PRKD1: variants seen among roughly 807,000 people sequenced by gnomAD.
PRKD1 encodes the protein protein kinase D1.
A neutral mutation model predicts 95.9 loss-of-function variants in PRKD1; 63 were observed. The observed-to-expected ratio is 0.66, with a 90% CI of 0.54 to 0.81. PRKD1 has a LOEUF of 0.81. PRKD1 is among the 30% of genes least tolerant of loss of function. The pLI is 0.00. For synonymous variants in PRKD1, 425 were observed against 423.1 expected (o/e 1.00, Z -0.05); for missense variants, 1,048 against 1,165.3 (o/e 0.90, Z 1.47).
intron 16 of PRKD1, among the ~76,000 whole-genome samples, chr14:29,590,602 C>T (rs1343984763): frequency 3.9e-5 from 6 of 152,014 alleles, no homozygotes; most frequent in Admixed American, 2.0e-4. Flanking sequence ...AACTCAGACA[C>T]GCTTGGTTTA....
chr14:29,925,092 T>TATTC (rs1204016398), intron 1 of PRKD1, among the ~76,000 whole-genome samples: 1 of 152,122 alleles, frequency 6.6e-6, no homozygotes, highest in Non-Finnish European at 1.5e-5. Context: ...TTACCTTAAC[T>TATTC]ATTCCAAACA....
intron 1 of PRKD1, among the ~76,000 whole-genome samples, chr14:29,865,716 C>T: frequency 6.6e-6 from 1 of 152,164 alleles, no homozygotes; most frequent in East Asian, 1.9e-4. Flanking sequence ...CTGTGATATT[C>T]TGTTACAGCA....
intron 1 of PRKD1, among the ~76,000 whole-genome samples, chr14:29,894,979 C>T (rs1454244601): frequency 6.6e-6 from 1 of 152,170 alleles, no homozygotes; most frequent in African/African-American, 2.4e-5. Flanking sequence ...AAATTCCAAG[C>T]CCCAAAGAAA....
intron 1 of PRKD1, among the ~76,000 whole-genome samples, chr14:29,760,830 T>C (rs944245120): frequency 1.3e-5 from 2 of 152,264 alleles, no homozygotes; most frequent in African/African-American, 2.4e-5. Context: ...TTCCTGTTTA[T>C]GTTTGGGTAG....
At chr14:29,644,412 G>C (rs1318432012) in intron 4 of PRKD1, among the ~76,000 whole-genome samples, 2 of 152,138 alleles carry the variant, frequency 1.3e-5, no homozygotes, top group Admixed American at 1.3e-4. Context: ...GAATGGTTGA[G>C]ACTATAGTAA....
intron 2 of PRKD1, among the ~76,000 whole-genome samples, chr14:29,703,062 G>T (rs1288725716): frequency 3.3e-5 from 5 of 152,010 alleles, no homozygotes; most frequent in Admixed American, 6.6e-5. Context: ...TCTTTGCCAC[G>T]TGGTCAAATC....
Position 29,893,494 on chromosome 14 carries a change from C to T in PRKD1, c.264+33755G>A, listed in dbSNP as rs527295016. Among the ~76,000 whole-genome samples, 51 of 151,854 alleles carry T rather than the reference C, an allele frequency of 3.4e-4. 1 individual carries two copies. The South Asian group carries it at 0.011, about 32-fold the overall frequency. ...GCCAAAGCTCTTCCTACCTTATTTC[C>T]ACTTGTTAAACGTATGGAATCTTGC... On this transcript the variant is annotated intron_variant, in intron 1 of 17. Coordinates refer to ENST00000331968, the MANE Select transcript of PRKD1 (RefSeq NM_002742.3).
At chr14:29,646,282 C>CA (rs948004689) in intron 4 of PRKD1, among the ~76,000 whole-genome samples, 2 of 151,390 alleles carry the variant, frequency 1.3e-5, no homozygotes, top group South Asian at 2.1e-4. Context: ...TTAATGGGTG[C>CA]AAAAAAATAG....
intron 16 of PRKD1, among the ~76,000 whole-genome samples, chr14:29,584,012 C>T (rs1892833297): frequency 6.6e-6 from 1 of 152,106 alleles, no homozygotes; most frequent in African/African-American, 2.4e-5. Context: ...CAGAATGGGA[C>T]TTTCAGCAGC....
At chr14:29,736,873 GCTGAAAT>G (rs1180451752) in intron 1 of PRKD1, among the ~76,000 whole-genome samples, 1 of 152,192 alleles carries the variant, frequency 6.6e-6, no homozygotes, top group African/African-American at 2.4e-5. Context: ...TTAATGAGTA[GCTGAAAT>G]GTGACCTGGC....
rs989899311 is a variant in PRKD1 at position 29,903,325 on chromosome 14, C to A, written c.264+23924G>T. On this transcript the variant is annotated intron_variant, in intron 1 of 17. Transcript: ENST00000331968. ...TTTCATTAATGCAATACCTTTGGCA[C>A]ACGACCCTTTAATATAACTTGGTTC... Among the ~76,000 whole-genome samples the A allele has an allele frequency of 7.2e-5, 11 of 152,294 alleles. No homozygotes were observed. In the South Asian group the frequency reaches 2.3e-3, roughly 32 times the overall value.
intron 1 of PRKD1, among the ~76,000 whole-genome samples, chr14:29,852,301 A>G (rs1039852249): frequency 6.6e-6 from 1 of 152,170 alleles, no homozygotes; most frequent in African/African-American, 2.4e-5. Flanking sequence ...ACCTAAAAGA[A>G]AAAGGAAATT....
chr14:29,794,938 C>A (rs1285368085), intron 1 of PRKD1, among the ~76,000 whole-genome samples: 10 of 152,054 alleles, frequency 6.6e-5, no homozygotes, highest in Admixed American at 5.2e-4. Context: ...CAGATTTATG[C>A]TTTTTAGTGA....
At chr14:29,797,466 T>C (rs911208701) in intron 1 of PRKD1, among the ~76,000 whole-genome samples, 3 of 152,230 alleles carry the variant, frequency 2.0e-5, no homozygotes, top group African/African-American at 7.2e-5. Flanking sequence ...AGAATTGTAC[T>C]GTTACAGCAT....
intron 16 of PRKD1, among the ~76,000 whole-genome samples, chr14:29,588,329 C>T (rs1893006916): frequency 6.6e-6 from 1 of 152,066 alleles, no homozygotes. Flanking sequence ...GAAAACATAC[C>T]ATGTGGTAAT....
At chr14:29,659,120 T>C (rs1236133259) in intron 4 of PRKD1, among the ~76,000 whole-genome samples, 1 of 152,206 alleles carries the variant, frequency 6.6e-6, no homozygotes, top group East Asian at 1.9e-4. Flanking sequence ...TCAAGATATA[T>C]AATATTGCCA....
intron 7 of PRKD1, among the ~76,000 whole-genome samples, chr14:29,635,405 A>G (rs183614392): frequency 6.6e-6 from 1 of 152,308 alleles, no homozygotes; most frequent in East Asian, 1.9e-4. Flanking sequence ...TTGGTACTAA[A>G]GAAGTGTATG....
intron 1 of PRKD1, among the ~76,000 whole-genome samples, chr14:29,894,883 C>G (rs1241502768): frequency 6.6e-6 from 1 of 152,152 alleles, no homozygotes. Context: ...AAGATCTTTA[C>G]TAAAAGCAAT....
At chr14:29,644,564 A>T (rs1022784) in intron 4 of PRKD1, among the ~76,000 whole-genome samples, 46,452 of 151,702 alleles carry the variant, frequency 0.31, 7,240 homozygotes, top group African/African-American at 0.35. Flanking sequence ...GTGATAAAAT[A>T]ACTTGATCTA....
Sources: gnomAD v4.1 joint callset for allele counts (sites outside exome capture counted in the v4.1 genomes callset) on GRCh38, gnomAD v4.1.1 for gene constraint, MANE v1.5 for transcripts, NCBI Gene and HGNC (gene_info 2026-07-23, HGNC 2026-07-21) for gene names.